The following SNTG2 variants were observed in gnomAD, a reference collection of about 807,000 sequenced individuals.
SNTG2 encodes the protein syntrophin gamma 2, also known as gamma-2-syntrophin.
SNTG2 carries 74 observed loss-of-function variants against 70.9 expected under a neutral mutation model. The ratio of observed to expected loss-of-function variants is 1.04; its 90% CI spans 0.86 to 1.27. The LOEUF (loss-of-function observed/expected upper bound fraction) is 1.27. Ranked by LOEUF, SNTG2 falls within the 50% of genes most tolerant of loss-of-function variation. The pLI is 0.00. For missense variants in SNTG2, 717 were observed against 690.7 expected (o/e 1.04, Z -0.43); for synonymous variants, 278 against 273.8 (o/e 1.02, Z -0.15).
At chr2:1,252,548 GC>G (rs1433357771) in intron 12 of SNTG2, among the ~76,000 whole-genome samples, 2 of 152,176 alleles carry the variant, frequency 1.3e-5, no homozygotes, top group African/African-American at 4.8e-5. Flanking sequence ...CCTGGGAGCT[GC>G]CTGTGCTGGG....
chr2:1,106,271 G>A (rs4971443), intron 4 of SNTG2, among the ~76,000 whole-genome samples: 1 of 100,884 alleles, frequency 9.9e-6, no homozygotes, highest in Non-Finnish European at 2.0e-5. Context: ...GAGCTCCTTG[G>A]TAATAGTGGA....
intron 4 of SNTG2, among the ~76,000 whole-genome samples, chr2:1,131,395 C>T (rs1254481218): frequency 2.0e-5 from 3 of 152,132 alleles, no homozygotes; most frequent in Admixed American, 6.5e-5. Flanking sequence ...CCCTGGCCTG[C>T]GGTGTGCAAG....
At chr2:1,014,505 A>G (rs1232053196) in intron 1 of SNTG2, among the ~76,000 whole-genome samples, 1 of 78,542 alleles carries the variant, frequency 1.3e-5, no homozygotes, top group Non-Finnish European at 2.9e-5. Flanking sequence ...CTGGAGAGGG[A>G]TTTATATGGG....
At chr2:1,351,142 C>A (rs1660550943) in intron 16 of SNTG2, among the ~76,000 whole-genome samples, 1 of 151,594 alleles carries the variant, frequency 6.6e-6, no homozygotes, top group Non-Finnish European at 1.5e-5. Flanking sequence ...CTCTTAATTT[C>A]CTTGTTTTCC....
chr2:1,000,125 A>G (rs1661819423), intron 1 of SNTG2, among the ~76,000 whole-genome samples: 1 of 152,116 alleles, frequency 6.6e-6, no homozygotes, highest in South Asian at 2.1e-4. Flanking sequence ...TCTGGGATAC[A>G]GAAAAATAAG....
At chr2:1,324,351 C>T (rs1305235383) in intron 16 of SNTG2, among the ~76,000 whole-genome samples, 1 of 152,038 alleles carries the variant, frequency 6.6e-6, no homozygotes, top group East Asian at 1.9e-4. Context: ...TTTAAGTTTT[C>T]TCAGAAGTAA....
intron 13 of SNTG2, among the ~76,000 whole-genome samples, chr2:1,264,695 A>G (rs1252825594): frequency 6.7e-6 from 1 of 150,220 alleles, no homozygotes; most frequent in Non-Finnish European, 1.5e-5. Context: ...GATTTTCTCA[A>G]TAACATTCTC....
intron 14 of SNTG2, among the ~76,000 whole-genome samples, chr2:1,281,408 GTT>G (rs1679529428): frequency 3.3e-4 from 2 of 6,092 alleles, no homozygotes; most frequent in Admixed American, 1.7e-3. Flanking sequence ...TATGTGGTGT[GTT>G]GTGTGTGTGT....
intron 6 of SNTG2, 73 bp from the exon 7 acceptor site, chr2:1,165,471 TAGAG>T (rs1197785804): frequency 9.2e-6 from 12 of 1,310,152 alleles, no homozygotes; most frequent in Middle Eastern, 1.9e-4. Context: ...ACAGGAGAGG[TAGAG>T]AGATTTTATT....
intron 9 of SNTG2, among the ~76,000 whole-genome samples, chr2:1,215,928 C>T (rs1175933824): frequency 6.6e-6 from 1 of 152,106 alleles, no homozygotes; most frequent in African/African-American, 2.4e-5. Context: ...TGTATATGTG[C>T]CACATTTTCT....
At chr2:1,203,379 C>T (rs977570765) in intron 8 of SNTG2, among the ~76,000 whole-genome samples, 6 of 151,856 alleles carry the variant, frequency 4.0e-5, no homozygotes, top group Non-Finnish European at 7.4e-5. Context: ...TTACACAGGC[C>T]GGGCACAGTG....
intron 8 of SNTG2, among the ~76,000 whole-genome samples, chr2:1,207,509 C>T (rs1043698109): frequency 4.6e-5 from 7 of 152,210 alleles, no homozygotes; most frequent in African/African-American, 1.4e-4. Context: ...ATTCCCCCAT[C>T]CCACCTGCGT....
At chr2:1,110,043 A>G (rs1028133372) in intron 4 of SNTG2, among the ~76,000 whole-genome samples, 1 of 152,212 alleles carries the variant, frequency 6.6e-6, no homozygotes, top group Non-Finnish European at 1.5e-5. Flanking sequence ...ACTGTTACTC[A>G]TGAAGATGTT....
intron 14 of SNTG2, among the ~76,000 whole-genome samples, chr2:1,306,150 G>A (rs1680657578): frequency 6.6e-6 from 1 of 152,210 alleles, no homozygotes; most frequent in Non-Finnish European, 1.5e-5. Flanking sequence ...AAGGGGAGCT[G>A]GCTGGTACTG....
chr2:977,669 G>A (rs1660952392), intron 1 of SNTG2, among the ~76,000 whole-genome samples: 1 of 152,066 alleles, frequency 6.6e-6, no homozygotes, highest in Admixed American at 6.5e-5. Context: ...TAAACTCATC[G>A]ACAGCTACTC....
At chr2:1,215,162 G>T (rs750720125) in intron 9 of SNTG2, among the ~76,000 whole-genome samples, 1 of 152,128 alleles carries the variant, frequency 6.6e-6, no homozygotes, top group African/African-American at 2.4e-5. Context: ...ATGTTTGCAC[G>T]TATGTTCATC....
intron 15 of SNTG2, 139 bp downstream of exon 15, chr2:1,308,725 A>G: frequency 1.4e-6 from 1 of 706,398 alleles, no homozygotes. Flanking sequence ...TTGCTTTCAT[A>G]GACTTTTTTT....
intron 1 of SNTG2, among the ~76,000 whole-genome samples, chr2:963,058 C>A (rs2147947533): frequency 6.6e-6 from 1 of 152,150 alleles, no homozygotes; most frequent in South Asian, 2.1e-4. Context: ...TGCTTTGTGT[C>A]ATACTATTCA....
intron 2 of SNTG2, among the ~76,000 whole-genome samples, chr2:1,089,489 G>A (rs2148187836): frequency 6.6e-6 from 1 of 152,266 alleles, no homozygotes; most frequent in East Asian, 1.9e-4. Flanking sequence ...ACAAAAATTA[G>A]TCGGGTGTGA....
Sources: gnomAD v4.1 joint callset for allele counts (sites outside exome capture counted in the v4.1 genomes callset) on GRCh38, gnomAD v4.1.1 for gene constraint, MANE v1.5 for transcripts, NCBI Gene and HGNC (gene_info 2026-07-23, HGNC 2026-07-21) for gene names.